RPE65: variants seen among roughly 807,000 people sequenced by gnomAD.
The protein encoded by RPE65 is retinoid isomerohydrolase RPE65, also known as retinoid isomerohydrolase.
Under a neutral mutation model 68.5 loss-of-function variants are expected in RPE65, and 58 were observed. The ratio of observed to expected loss-of-function variants is 0.85; its 90% CI spans 0.69 to 1.05. The LOEUF (loss-of-function observed/expected upper bound fraction) is 1.05, where lower values mean the gene tolerates loss of function less well. RPE65 is among the 50% of genes least tolerant of loss of function. The pLI is 0.00. For missense variants in RPE65, 643 were observed against 629.9 expected, an observed-to-expected ratio of 1.02 and a Z score of -0.22; for synonymous variants, 220 against 222.2, an observed-to-expected ratio of 0.99 and a Z score of 0.09.
rs2100821509 is a variant in RPE65, at chr1:68,440,855, G to A, written c.641C>T (p.Ala214Val). 2 of 1,613,918 alleles carry A rather than the reference G, an allele frequency of 1.2e-6. No individual in the cohort carries two copies. Among genetic ancestry groups the A allele is most frequent in the Non-Finnish European group, 1.7e-6 (2 of 1,179,838 alleles). The change falls in exon 6 of 14, where the codon GCA (alanine) becomes GTA (valine). Residue 214 changes from alanine to valine, a missense_variant and splice_region_variant. Ala to Val is a moderately conservative substitution (Grantham distance 64). Coordinates refer to ENST00000262340, the MANE Select transcript of RPE65 (RefSeq NM_000329.3). ...AGAGGACAGATTGGTAAACTCACCT[G>A]CTTGCAGTGGTGGGATCTTTACAAT... is the stretch of plus-strand genomic sequence containing the variant. ...YNIVKIPPLQ[A>V]DKEDPISKSE...
In RPE65 at chr1:68,439,196, T is replaced by A; in HGVS notation, c.853A>T (p.Met285Leu). 1 of 1,614,074 alleles carries A rather than the reference T, an allele frequency of 6.2e-7. No individual in the cohort carries two copies. The highest frequency in any genetic ancestry group is 1.1e-5 in the South Asian group (1 of 91,082). ...CAAATATATCTAAGACTTACCCCCA[T>A]GGTTTCATTGGACTCAAAACAATCC... ...YMDCFESNET[M>L]GVWLHIADKK... The change falls in exon 8 of 14, where the codon ATG becomes TTG. Residue 285 changes from methionine to leucine, a missense_variant. Coordinates refer to ENST00000262340, the MANE Select transcript of RPE65 (RefSeq NM_000329.3).
intron 9 of RPE65, 59 bp from the exon 10 acceptor site, chr1:68,438,375 G>A: frequency 6.3e-7 from 1 of 1,589,468 alleles, no homozygotes; most frequent in South Asian, 1.1e-5. Context: ...TTAGAGAGAT[G>A]ATTCTTGCCT....
chr1:68,442,585 T>A (rs181979514), intron 5 of RPE65, among the ~76,000 whole-genome samples: 4 of 152,346 alleles, frequency 2.6e-5, no homozygotes, highest in Admixed American at 2.6e-4. Flanking sequence ...GCAAAGGCAC[T>A]GGTTAATAAC....
chr1:68,438,059 C>A, intron 10 of RPE65, 128 bp downstream of exon 10: 1 of 1,131,812 alleles, frequency 8.8e-7, no homozygotes, highest in Non-Finnish European at 1.3e-6. Flanking sequence ...GTTTAATTAG[C>A]CTATTTTTAA....
chr1:68,443,562 C>T (rs1209968468), intron 5 of RPE65, among the ~76,000 whole-genome samples: 2 of 152,178 alleles, frequency 1.3e-5, no homozygotes, highest in African/African-American at 4.8e-5. Flanking sequence ...GAAATCATCC[C>T]TCTCTTTTAA....
intron 2 of RPE65, among the ~76,000 whole-genome samples, chr1:68,447,245 GA>G (rs1645948916): frequency 6.6e-6 from 1 of 152,172 alleles, no homozygotes; most frequent in Admixed American, 6.5e-5. Flanking sequence ...GTGGAGTGAG[GA>G]GTAGAAGTAT....
chr1:68,435,350 G>T lies in RPE65; in HGVS notation c.1128+2837C>A, dbSNP rs544058084. 2.6e-5 allele frequency among the ~76,000 whole-genome samples: 4 copies of T among 151,720 alleles called. No homozygotes were observed. The South Asian group carries it at 8.4e-4, about 32-fold the overall frequency. On this transcript the variant is annotated intron_variant, in intron 10 of 13. Transcript: ENST00000262340. ...AAGCAAATTTTAAATGTTTCTTTTG[G>T]AAAACCTAATCTAAAATATGATTTC...
chr1:68,449,466 C>T (rs1645966974), intron 1 of RPE65, among the ~76,000 whole-genome samples: 1 of 152,128 alleles, frequency 6.6e-6, no homozygotes, highest in South Asian at 2.1e-4. Context: ...ATTACTATGT[C>T]CTACATACCA....
rs1557599874 is a variant in RPE65, at chr1:68,439,035, T to C, written c.905A>G (p.Asn302Ser). 6.2e-7 allele frequency: 1 copy of C among 1,614,122 alleles called. No homozygotes were observed. Among genetic ancestry groups the C allele is most frequent in the Non-Finnish European group, 8.5e-7 (1 of 1,179,966 alleles). The change falls in exon 9 of 14, where the codon AAT (asparagine) becomes AGT (serine). Residue 302 changes from asparagine to serine, a missense_variant. Physicochemically the swap from Asn to Ser is conservative, Grantham distance 46. Coordinates refer to ENST00000262340, the MANE Select transcript of RPE65 (RefSeq NM_000329.3). ...GTTGAAAGGAGAAGTTCTGTATTTA[T>C]TATTGAGGTACTTTTTCCTTTTTTT... ...ADKKRKKYLN[N>S]KYRTSPFNLF...
Position 68,448,626 on chromosome 1 carries a change from G to C in RPE65, c.92C>G (p.Thr31Arg). The change falls in exon 2 of 14, where the codon ACA becomes AGA. Residue 31 changes from threonine to arginine, a missense_variant and splice_region_variant. Thr to Arg is a moderately conservative substitution (Grantham distance 71). Coordinates refer to ENST00000262340, the MANE Select transcript of RPE65 (RefSeq NM_000329.3). ...ELSSPLTAHV[T>R]GRIPLWLTGS... ...GCTTCAAGATGGGCGAGACCAACCT[G>C]TTACATGAGCTGTGAGCGGCGAGGA... is the stretch of plus-strand genomic sequence containing the variant. 1 of 1,613,842 alleles carries C rather than the reference G, an allele frequency of 6.2e-7. No homozygotes were observed. Among genetic ancestry groups the C allele is most frequent in the African/African-American group, 1.3e-5 (1 of 74,978 alleles).
chr1:68,449,921 G>C lies in RPE65; in HGVS notation c.-16C>G. On this transcript the variant is annotated 5_prime_UTR_variant, in exon 1 of 14. The change creates a new upstream start codon in the 5' untranslated region. Transcript: ENST00000262340. ...GGATAGACATTTTCTTCCAGTTCAG[G>C]ATCCAGAGTTCTGGCACCAACTGCA... 6.2e-7 allele frequency: 1 copy of C among 1,614,076 alleles called. No homozygotes were observed. Among genetic ancestry groups the C allele is most frequent in the Non-Finnish European group, 8.5e-7 (1 of 1,179,986 alleles).
chr1:68,447,665 C>T (rs1044134055), intron 2 of RPE65, among the ~76,000 whole-genome samples: 3 of 151,896 alleles, frequency 2.0e-5, no homozygotes, highest in Non-Finnish European at 4.4e-5. Context: ...ATCGAGACCA[C>T]GGCGAAACCC....
Position 68,431,326 on chromosome 1 carries a change from T to A in RPE65, c.1294A>T (p.Thr432Ser), listed in dbSNP as rs1645824500. ...NYQKYCGKPY[T>S]YAYGLGLNHF... The stretch of plus-strand genomic sequence containing the variant: ...TTCAAGCCAAGTCCATACGCATATG[T>A]GTAAGGTTTCCCACAATACTTCTGG... Residue 432 changes from threonine (T) to serine (S), a missense_variant, in exon 12 of 14, where the codon ACA (threonine) becomes TCA (serine). Transcript: ENST00000262340. 6.2e-7 allele frequency: 1 copy of A among 1,614,030 alleles called. No homozygotes were observed. Among genetic ancestry groups the A allele is most frequent in the Non-Finnish European group, 8.5e-7 (1 of 1,179,938 alleles).
At chr1:68,449,066 A>T (rs1645963172) in intron 1 of RPE65, among the ~76,000 whole-genome samples, 1 of 152,154 alleles carries the variant, frequency 6.6e-6, no homozygotes, top group South Asian at 2.1e-4. Context: ...TACTGCCATC[A>T]GTTCACTTCC....
chr1:68,438,529 C>A (rs566689492), intron 9 of RPE65, among the ~76,000 whole-genome samples: 8 of 152,004 alleles, frequency 5.3e-5, no homozygotes, highest in Non-Finnish European at 7.3e-5. Context: ...TAACAGCAGC[C>A]TTGAGATACT....
chr1:68,430,642 G>A (rs926071145), intron 13 of RPE65, among the ~76,000 whole-genome samples: 11 of 152,056 alleles, frequency 7.2e-5, no homozygotes, highest in Non-Finnish European at 1.3e-4. Context: ...CTAGCTTACC[G>A]AAAGAACAAA....
chr1:68,434,852 C>A (rs532414878), intron 10 of RPE65, among the ~76,000 whole-genome samples: 3 of 152,066 alleles, frequency 2.0e-5, no homozygotes, highest in Non-Finnish European at 4.4e-5. Flanking sequence ...TAACTTTGAA[C>A]TCCTGGACTC....
intron 5 of RPE65, among the ~76,000 whole-genome samples, chr1:68,442,548 A>C (rs1003371148): frequency 3.3e-5 from 5 of 152,220 alleles, no homozygotes; most frequent in African/African-American, 1.2e-4. Flanking sequence ...CCTTAAATAA[A>C]TTGTATTTAA....
At chr1:68,434,827 G>T (rs1023194058) in intron 10 of RPE65, among the ~76,000 whole-genome samples, 1 of 152,004 alleles carries the variant, frequency 6.6e-6, no homozygotes, top group African/African-American at 2.4e-5. Context: ...GACTGCAATG[G>T]CATGTAGCTC....
Sources: allele counts gnomAD v4.1 joint callset (sites outside exome capture counted in the v4.1 genomes callset), GRCh38; gene constraint gnomAD v4.1.1; transcripts MANE v1.5; gene names NCBI Gene and HGNC (gene_info 2026-07-23, HGNC 2026-07-21).